ERI1: variants seen among roughly 807,000 people sequenced by gnomAD.
ERI1 encodes 3'-5' exoribonuclease 1.
ERI1 carries 39 observed loss-of-function variants against 39.7 expected under a neutral mutation model. The ratio of observed to expected loss-of-function variants is 0.98; its 90% CI spans 0.76 to 1.28. The LOEUF (loss-of-function observed/expected upper bound fraction) is 1.28, where lower values mean the gene tolerates loss of function less well. Among genes scored for constraint, ERI1 ranks in the 50% most tolerant of loss-of-function variants. The pLI, the probability that ERI1 is intolerant of heterozygous loss-of-function variation, is 0.00. For synonymous variants in ERI1, 204 were observed against 149.6 expected (o/e 1.36, Z -2.65); for missense variants, 581 against 416.9 (o/e 1.39, Z -3.43).
intron 6 of ERI1, among the ~76,000 whole-genome samples, chr8:9,027,483 T>A (rs2117287980): frequency 6.6e-6 from 1 of 152,312 alleles, no homozygotes; most frequent in South Asian, 2.1e-4. Flanking sequence ...AGGTTTTTAA[T>A]GTTGATGAAG....
At chr8:9,004,289 C>G (rs1815718961) in intron 1 of ERI1, 2 of 1,155,558 alleles carry the variant, frequency 1.7e-6, no homozygotes, top group South Asian at 1.7e-5. Context: ...CGTTGTCAAT[C>G]TCATCCTGTA....
chr8:9,044,165 G>T (rs114606369), intron 3 of ERI1, among the ~76,000 whole-genome samples: 1 of 152,156 alleles, frequency 6.6e-6, no homozygotes, highest in Non-Finnish European at 1.5e-5. Context: ...CTGATTTAGC[G>T]AGGGTATCAG....
At chr8:9,020,644 C>G (rs909106317) in intron 6 of ERI1, among the ~76,000 whole-genome samples, 180 bp downstream of exon 6, 12 of 152,274 alleles carry the variant, frequency 7.9e-5, no homozygotes, top group Non-Finnish European at 1.8e-4. Context: ...TCTCATTCAA[C>G]CTGTTAACTT....
chr8:9,003,322 T>G (rs1815577768), intron 1 of ERI1, 151 bp downstream of exon 1: 1 of 442,054 alleles, frequency 2.3e-6, no homozygotes, highest in Non-Finnish European at 3.7e-6. Context: ...TCCCTGGCTT[T>G]ATCCTCGGGT....
At chr8:9,095,901 C>G (rs1799863079) in intron 3 of ERI1, among the ~76,000 whole-genome samples, 1 of 152,148 alleles carries the variant, frequency 6.6e-6, no homozygotes, top group African/African-American at 2.4e-5. Flanking sequence ...CCTTACTAGC[C>G]TCATTAAAGA....
rs536468013 is a variant in ERI1, at chr8:9,033,180, C to G, written c.*3146C>G. On this transcript the variant is annotated 3_prime_UTR_variant, in exon 7 of 7. Coordinates refer to ENST00000250263, the MANE Select transcript of ERI1 (RefSeq NM_153332.4). ...TTTGTTAATCTAGAGCAGGGGTCAG[C>G]AAACTACCACCCATGGGCCAAATCT... is the stretch of plus-strand genomic sequence containing the variant. 1 of 122,674 alleles carries G rather than the reference C, an allele frequency of 8.2e-6. No individual in the cohort carries two copies. The highest frequency in any genetic ancestry group is 3.1e-4 in the South Asian group (1 of 3,254). The allele number at this position is 122,674 out of a possible 1,614,324, so 7.6% of individuals were successfully genotyped here.
chr8:9,090,558 T>C (rs1382748436), intron 3 of ERI1, among the ~76,000 whole-genome samples: 2 of 152,232 alleles, frequency 1.3e-5, no homozygotes, highest in East Asian at 3.8e-4. Flanking sequence ...GATGATGTTT[T>C]AGGAGTATTC....
chr8:9,082,318 C>A (rs1359560018), intron 3 of ERI1, among the ~76,000 whole-genome samples: 1 of 152,188 alleles, frequency 6.6e-6, no homozygotes, highest in Non-Finnish European at 1.5e-5. Context: ...TCACTTCCTT[C>A]CTCTGGCTCA....
intron 3 of ERI1, among the ~76,000 whole-genome samples, chr8:9,043,517 G>A (rs1334063399): frequency 6.6e-6 from 1 of 152,220 alleles, no homozygotes; most frequent in Non-Finnish European, 1.5e-5. Context: ...CAATTGTGGA[G>A]AAATCTTTTC....
Position 9,032,042 on chromosome 8 carries a change from C to G in ERI1, c.*2008C>G, listed in dbSNP as rs565331479. On this transcript the variant is annotated 3_prime_UTR_variant, in exon 7 of 7. Coordinates refer to ENST00000250263, the MANE Select transcript of ERI1 (RefSeq NM_153332.4). ...TACAGACGTGAGCCACTGCGCTCAGCCATAGATTTTACTGTCTTAACCCAT... is the reference window on the plus strand; with the variant it reads ...TACAGACGTGAGCCACTGCGCTCAGGCATAGATTTTACTGTCTTAACCCAT... 2.6e-5 allele frequency: 4 copies of G among 152,296 alleles called. No homozygotes were observed. The East Asian group carries it at 7.7e-4, about 29-fold the overall frequency. The allele number at this position is 152,296 out of a possible 1,614,324, so 9.4% of individuals were successfully genotyped here. A position where few individuals can be genotyped will look rare whatever the true frequency, so the allele number is the denominator to read the frequency against.
chr8:9,056,532 A>G (rs541533621), intron 3 of ERI1, among the ~76,000 whole-genome samples: 1 of 152,002 alleles, frequency 6.6e-6, no homozygotes, highest in African/African-American at 2.4e-5. Context: ...TCCAAAAAAG[A>G]TGTTTCCACA....
At position 9,011,525 on chromosome 8, in the gene ERI1, C is replaced by G. The variant is rs9650628; in HGVS notation, c.288-17C>G. The G allele has an allele frequency of 0.14, 211,251 of 1,531,864 alleles. 15,449 individuals carry two copies. Among genetic ancestry groups the G allele is most frequent in the African/African-American group, 0.16 (11,736 of 72,394 alleles). 94.9% of individuals were successfully genotyped at this position (1,531,864 alleles called of 1,614,324 possible). On this transcript the variant is annotated splice_polypyrimidine_tract_variant and intron_variant, in intron 2 of 6. Coordinates refer to ENST00000250263, the MANE Select transcript of ERI1 (RefSeq NM_153332.4). ...TAGAATTTACCTAAGTGTAACTAGT[C>G]TTCTTCTTCTACTTAGAGGAGTAAA...
At chr8:9,034,119 TTGAC>T (rs1161098182), downstream of ERI1, among the ~76,000 whole-genome samples, 1 of 152,226 alleles carries the variant, frequency 6.6e-6, no homozygotes, top group East Asian at 1.9e-4. Context: ...GGGCTTAAGT[TTGAC>T]TGATGAAGAG....
chr8:9,049,540 G>C (rs1798290777), intron 3 of ERI1, among the ~76,000 whole-genome samples: 2 of 119,268 alleles, frequency 1.7e-5, no homozygotes, highest in Non-Finnish European at 3.8e-5. Flanking sequence ...CATTAATTTT[G>C]ACTTTAAAAA....
chr8:9,093,799 A>G, intron 3 of ERI1, among the ~76,000 whole-genome samples: 1 of 151,984 alleles, frequency 6.6e-6, no homozygotes, highest in South Asian at 2.1e-4. Context: ...CTGGTCTCGA[A>G]CTCCTGACCT....
intron 3 of ERI1, among the ~76,000 whole-genome samples, chr8:9,081,523 G>A (rs368266115): frequency 2.6e-5 from 4 of 151,914 alleles, no homozygotes; most frequent in Non-Finnish European, 4.4e-5. Context: ...TTTTCTCTCC[G>A]GCCATCCTTC....
intron 3 of ERI1, among the ~76,000 whole-genome samples, chr8:9,060,032 A>G (rs1449516402): frequency 6.6e-6 from 1 of 152,192 alleles, no homozygotes; most frequent in Non-Finnish European, 1.5e-5. Flanking sequence ...TGGTAAAAGT[A>G]TTGTCCAGTC....
intron 3 of ERI1, chr8:9,049,898 G>A (rs932216739): frequency 2.6e-5 from 4 of 152,264 alleles, no homozygotes; most frequent in African/African-American, 9.7e-5. Context: ...AAGGCAATTT[G>A]AGTGCATGAC....
chr8:9,069,272 C>A (rs1000775836), intron 3 of ERI1, among the ~76,000 whole-genome samples: 1 of 152,178 alleles, frequency 6.6e-6, no homozygotes, highest in East Asian at 1.9e-4. Context: ...CTCTCTGAAG[C>A]TGGGTATGAT....
Sources: gnomAD v4.1 joint callset for allele counts (sites outside exome capture counted in the v4.1 genomes callset) on GRCh38, gnomAD v4.1.1 for gene constraint, MANE v1.5 for transcripts, NCBI Gene and HGNC (gene_info 2026-07-23, HGNC 2026-07-21) for gene names.